ALDH3B1: variants seen among roughly 807,000 people sequenced by gnomAD.
ALDH3B1 encodes the protein aldehyde dehydrogenase 3 family member B1.
In ALDH3B1, 37 loss-of-function variants were observed where a neutral mutation model predicts 46.2. That is an observed-to-expected ratio of 0.80 (90% CI 0.62 to 1.05). ALDH3B1 has a LOEUF of 1.05. ALDH3B1 is among the 50% of genes least tolerant of loss of function. The pLI, the probability that ALDH3B1 is intolerant of heterozygous loss-of-function variation, is 0.00. For missense variants in ALDH3B1, 603 were observed against 665.5 expected, an observed-to-expected ratio of 0.91 and a Z score of 1.03; for synonymous variants, 283 against 281.0, an observed-to-expected ratio of 1.01 and a Z score of -0.07.
At position 68,019,784 on chromosome 11, in the gene ALDH3B1, A is replaced by G. The variant is rs1349629843; in HGVS notation, c.550A>G (p.Ile184Val). ...GCTGCTAGAGCACAGGTTCGACTAC[A>G]TCTTCTTCACAGGTGAGGCCGGGAC... ...GQLLEHRFDY[I>V]FFTGSPRVGK... is the part of the protein sequence containing the mutation. The change falls in exon 6 of 10, where the codon ATC becomes GTC. Residue 184 changes from isoleucine (I) to valine (V), a missense_variant. Physicochemically the swap from Ile to Val is conservative, Grantham distance 29. Transcript: ENST00000342456. 5.0e-6 allele frequency: 8 copies of G among 1,614,040 alleles called. No individual in the cohort carries two copies. The highest frequency in any genetic ancestry group is 6.8e-6 in the Non-Finnish European group (8 of 1,179,932).
Position 68,019,806 on chromosome 11 carries a change from G to A in ALDH3B1, c.562+10G>A. ...TACATCTTCTTCACAGGTGAGGCCG[G>A]GACGAGGGTCGGGACAGGCTGGGGT... On this transcript the variant is annotated intron_variant, in intron 6 of 9. Coordinates refer to ENST00000342456, the MANE Select transcript of ALDH3B1 (RefSeq NM_000694.4). 6.2e-7 allele frequency: 1 copy of A among 1,613,722 alleles called. No homozygotes were observed. The highest frequency in any genetic ancestry group is 1.1e-5 in the South Asian group (1 of 91,068).
intron 6 of ALDH3B1, 99 bp from the exon 7 acceptor site, chr11:68,021,386 G>A: frequency 6.6e-7 from 1 of 1,509,398 alleles, no homozygotes; most frequent in Non-Finnish European, 8.9e-7. Context: ...GCTGCCCGCT[G>A]ACTCCACCAC....
intron 7 of ALDH3B1, 150 bp downstream of exon 7, chr11:68,022,021 T>C: frequency 1.5e-5 from 20 of 1,372,654 alleles, no homozygotes; most frequent in Non-Finnish European, 2.0e-5. Flanking sequence ...GTGCCATGAT[T>C]CCGTCTCTGT....
intron 6 of ALDH3B1, 28 bp from the exon 7 acceptor site, chr11:68,021,457 G>A (rs557821457): frequency 1.6e-5 from 26 of 1,588,492 alleles, no homozygotes; most frequent in East Asian, 6.7e-5. Flanking sequence ...GTCACTGAAC[G>A]GCCACTCTGG....
chr11:68,013,806 C>T (rs1362614847), intron 1 of ALDH3B1, among the ~76,000 whole-genome samples: 1 of 152,210 alleles, frequency 6.6e-6, no homozygotes, highest in Non-Finnish European at 1.5e-5. Context: ...GTCCTGCTCC[C>T]GTGACGAGCC....
chr11:68,018,933 C>G (rs745891700), intron 4 of ALDH3B1, 40 bp downstream of exon 4: 27 of 1,534,920 alleles, frequency 1.8e-5, no homozygotes, highest in Non-Finnish European at 2.3e-5. Context: ...CCCTTCTCCG[C>G]TCGAGGCCTC....
Position 68,027,895 on chromosome 11 carries a change from C to A in ALDH3B1, c.1363C>A (p.Leu455Met), listed in dbSNP as rs762501177. 38 of 1,561,992 alleles carry A rather than the reference C, an allele frequency of 2.4e-5. No homozygotes were observed. Among genetic ancestry groups the A allele is most frequent in the Non-Finnish European group, 3.1e-5 (36 of 1,156,854 alleles). Residue 455 changes from leucine (L) to methionine (M), a missense_variant, in exon 10 of 10, where the codon CTG becomes ATG. Coordinates refer to ENST00000342456, the MANE Select transcript of ALDH3B1 (RefSeq NM_000694.4). ...PQSPRRLRML[L>M]VAMEAQGCSC... ...ATCGCCGCGCCGCCTGAGGATGCTG[C>A]TGGTGGCCATGGAGGCCCAAGGCTG...
intron 6 of ALDH3B1, among the ~76,000 whole-genome samples, chr11:68,021,041 G>A (rs1370914143): frequency 6.6e-6 from 1 of 152,228 alleles, no homozygotes; most frequent in Non-Finnish European, 1.5e-5. Flanking sequence ...AGAACTTCCA[G>A]GTTTAGGTTT....
intron 3 of ALDH3B1, 49 bp from the exon 4 acceptor site, chr11:68,018,724 A>C (rs1857411524): frequency 1.3e-6 from 2 of 1,549,134 alleles, no homozygotes; most frequent in East Asian, 4.9e-5. Flanking sequence ...CTGGCTGCTG[A>C]GGGGCCGGGG....
intron 9 of ALDH3B1, among the ~76,000 whole-genome samples, chr11:68,027,053 C>T (rs1433469896): frequency 6.6e-6 from 1 of 152,054 alleles, no homozygotes; most frequent in Admixed American, 6.5e-5. Flanking sequence ...CCCGAGCTGA[C>T]CCTTCTTGGT....
chr11:68,026,895 G>A (rs567617729), intron 9 of ALDH3B1, among the ~76,000 whole-genome samples: 2 of 152,270 alleles, frequency 1.3e-5, no homozygotes, highest in Non-Finnish European at 1.5e-5. Flanking sequence ...GAGTTTGGGC[G>A]GCTGCCCCCG....
intron 8 of ALDH3B1, 64 bp downstream of exon 8, chr11:68,022,825 CA>C (rs1260454568): frequency 3.1e-6 from 5 of 1,593,912 alleles, no homozygotes; most frequent in Non-Finnish European, 4.3e-6. Flanking sequence ...GTGGTGGCAG[CA>C]GGGGGGGCAC....
At chr11:68,027,667 A>C (rs532754681) in intron 9 of ALDH3B1, 82 bp from the exon 10 acceptor site, 18 of 1,391,006 alleles carry the variant, frequency 1.3e-5, no homozygotes, top group East Asian at 5.0e-5. Flanking sequence ...CTCAGAGGGG[A>C]GAAGTAGCCC....
At position 68,018,396 on chromosome 11, in the gene ALDH3B1, G is replaced by A. The variant is rs374484045; in HGVS notation, c.163-131G>A. 7.0e-5 allele frequency: 52 copies of A among 740,402 alleles called. No individual in the cohort carries two copies. The East Asian group carries it at 9.8e-4, about 14-fold the overall frequency. 45.9% of individuals were successfully genotyped at this position (740,402 alleles called of 1,614,324 possible). A position where few individuals can be genotyped will look rare whatever the true frequency, so the allele number is the denominator to read the frequency against. On this transcript the variant is annotated intron_variant, in intron 2 of 9. Coordinates refer to ENST00000342456, the MANE Select transcript of ALDH3B1 (RefSeq NM_000694.4). ...ACACAGGAAGCACGCACTGAACATG[G>A]AGTGAGTGAGTGAACGAATGAATGA...
chr11:68,023,620 A>T (rs1018851409), intron 8 of ALDH3B1, among the ~76,000 whole-genome samples: 2 of 151,412 alleles, frequency 1.3e-5, no homozygotes, highest in African/African-American at 4.8e-5. Context: ...AACTTTTTTT[A>T]AATAAACTTT....
Position 68,026,055 on chromosome 11 carries a change from G to A in ALDH3B1, c.1163G>A (p.Gly388Glu), listed in dbSNP as rs768637220. The A allele has an allele frequency of 2.4e-5, 39 of 1,609,422 alleles. No homozygotes were observed. The highest frequency in any genetic ancestry group is 1.6e-4 in the Middle Eastern group (1 of 6,072). ...LTQTSSGGFCGNDGFMHMTLA... is the reference protein window; with the variant it reads ...LTQTSSGGFCENDGFMHMTLA... Reference sequence around the variant, plus strand: ...CAGACCAGCAGCGGGGGCTTCTGTGGGAACGACGGCTTCATGCACATGACC... The same window carrying A: ...CAGACCAGCAGCGGGGGCTTCTGTGAGAACGACGGCTTCATGCACATGACC... The change falls in exon 9 of 10, where the codon GGG becomes GAG. Residue 388 changes from glycine to glutamate, a missense_variant. Transcript: ENST00000342456.
intron 1 of ALDH3B1, among the ~76,000 whole-genome samples, chr11:68,010,642 C>T (rs778080913): frequency 5.3e-5 from 8 of 152,190 alleles, no homozygotes; most frequent in Non-Finnish European, 1.2e-4. Context: ...TTCCGTTGTC[C>T]GAGCTGGGTT....
rs1175741522 is a variant in ALDH3B1, at chr11:68,027,790, G to C, written c.1258G>C (p.Asp420His). 3.2e-6 allele frequency: 5 copies of C among 1,560,330 alleles called. No homozygotes were observed. The highest frequency in any genetic ancestry group is 2.3e-5 in the East Asian group (1 of 42,826). Residue 420 changes from aspartate (D) to histidine (H), a missense_variant, in exon 10 of 10, where the codon GAC becomes CAC. By Grantham distance (81) the Asp-to-His change is moderately conservative. Coordinates refer to ENST00000342456, the MANE Select transcript of ALDH3B1 (RefSeq NM_000694.4). ...CCGGTACCATGGCAAGTTCTCCTTC[G>C]ACACCTTCTCCCACCATCGCGCCTG... ...MGRYHGKFSF[D>H]TFSHHRACLL...
chr11:68,015,353 G>A lies in ALDH3B1; in HGVS notation c.56G>A (p.Arg19His), dbSNP rs778036759. 21 of 1,541,710 alleles carry A rather than the reference G, an allele frequency of 1.4e-5. No individual in the cohort carries two copies. The highest frequency in any genetic ancestry group is 4.1e-5 in the African/African-American group (3 of 73,136). The change falls in exon 2 of 10, where the codon CGC becomes CAC. Residue 19 changes from arginine to histidine, a missense_variant. Transcript: ENST00000342456. ...RRLREAFHAG[R>H]TRPAEFRAAQ... ...CTGCGGGAGGCCTTCCACGCGGGGC[G>A]CACGCGGCCAGCTGAGTTCCGGGCT...
Sources: gnomAD v4.1 joint callset for allele counts (sites outside exome capture counted in the v4.1 genomes callset) on GRCh38, gnomAD v4.1.1 for gene constraint, MANE v1.5 for transcripts, NCBI Gene and HGNC (gene_info 2026-07-23, HGNC 2026-07-21) for gene names.